DPP7: variants seen among roughly 807,000 people sequenced by gnomAD.
The protein encoded by DPP7 is dipeptidyl peptidase 2.
In DPP7, 74 loss-of-function variants were observed where a neutral mutation model predicts 58.8. The observed-to-expected ratio is 1.26, with a 90% confidence interval of 1.04 to 1.53. The LOEUF (loss-of-function observed/expected upper bound fraction) is 1.53, where lower values mean the gene tolerates loss of function less well. DPP7 is among the 40% of genes most tolerant of loss of function. The pLI is 0.00. For synonymous variants in DPP7, 350 were observed against 303.6 expected, an observed-to-expected ratio of 1.15 and a Z score of -1.59; for missense variants, 807 against 692.3, an observed-to-expected ratio of 1.17 and a Z score of -1.86.
upstream of DPP7, among the ~76,000 whole-genome samples, chr9:137,117,282 A>G (rs1831659103): frequency 6.6e-6 from 1 of 152,226 alleles, no homozygotes; most frequent in Admixed American, 6.5e-5. Flanking sequence ...GGAGGACCCC[A>G]GGTCTGCATC....
chr9:137,116,699 G>GA (rs1831649717), upstream of DPP7, among the ~76,000 whole-genome samples: 1 of 152,230 alleles, frequency 6.6e-6, no homozygotes, highest in South Asian at 2.1e-4. Context: ...GAGGATTAGT[G>GA]AAAGAGGGAG....
At chr9:137,111,615 G>A in intron 11 of DPP7, 75 bp downstream of exon 11, 1 of 1,529,722 alleles carries the variant, frequency 6.5e-7, no homozygotes, top group Non-Finnish European at 9.0e-7. Context: ...TCCAGCCTGG[G>A]CGCCAGAGAA....
chr9:137,114,232 CCGGCA>C lies in DPP7; in HGVS notation c.321+6_321+10del. ...CCCGCGACCCCGCCCGCGACCCCGC[CCGGCA>C]CCCACGTGCTCCGCGAAGACCAGTA... On this transcript the variant is annotated splice_donor_region_variant and intron_variant, in intron 3 of 12. Coordinates refer to ENST00000371579, the MANE Select transcript of DPP7 (RefSeq NM_013379.3). The C allele has an allele frequency of 6.6e-7, 1 of 1,512,148 alleles. No homozygotes were observed. Among genetic ancestry groups the C allele is most frequent in the Non-Finnish European group, 8.8e-7 (1 of 1,134,038 alleles). The allele number at this position is 1,512,148 out of a possible 1,614,324, so 93.7% of individuals were successfully genotyped here. A position where few individuals can be genotyped will look rare whatever the true frequency, so the allele number is the denominator to read the frequency against.
Position 137,113,295 on chromosome 9 carries a change from A to G in DPP7, c.622-8T>C. 2.5e-6 allele frequency: 4 copies of G among 1,613,600 alleles called. No homozygotes were observed. The highest frequency in any genetic ancestry group is 3.4e-6 in the Non-Finnish European group (4 of 1,179,964). On this transcript the variant is annotated splice_polypyrimidine_tract_variant and splice_region_variant and intron_variant, in intron 5 of 12. Transcript: ENST00000371579. ...ACTCTGGCCCTCAAAGTCCTGGGGGAAAGAGACCGTGCTGACTGCAGCTGC... is the reference window on the plus strand; with the variant it reads ...ACTCTGGCCCTCAAAGTCCTGGGGGGAAGAGACCGTGCTGACTGCAGCTGC...
Position 137,113,093 on chromosome 9 carries a change from C to A in DPP7, c.730G>T (p.Gly244Cys), listed in dbSNP as rs747575043. Residue 244 changes from glycine (G) to cysteine (C), a missense_variant, in exon 7 of 13, where the codon GGC (glycine) becomes TGC (cysteine). Coordinates refer to ENST00000371579, the MANE Select transcript of DPP7 (RefSeq NM_013379.3). ...GAYDTVRWEF[G>C]TCQPLSDEKD... ...TCGTCTGACAGCGGCTGGCAGGTGCCGAACTCCCAGCGGACCGTGTCGTAG... is the reference window on the plus strand; with the variant it reads ...TCGTCTGACAGCGGCTGGCAGGTGCAGAACTCCCAGCGGACCGTGTCGTAG... 6 of 1,613,748 alleles carry A rather than the reference C, an allele frequency of 3.7e-6. No individual in the cohort carries two copies. The highest frequency in any genetic ancestry group is 5.1e-6 in the Non-Finnish European group (6 of 1,180,006).
Position 137,114,192 on chromosome 9 carries a change from CCGG to C in DPP7, c.321+48_321+50del. The C allele has an allele frequency of 4.2e-6, 3 of 708,596 alleles. No homozygotes were observed. In the Admixed American group the frequency reaches 2.7e-4, roughly 65 times the overall value. 43.9% of individuals were successfully genotyped at this position (708,596 alleles called of 1,614,324 possible). A position where few individuals can be genotyped will look rare whatever the true frequency, so the allele number is the denominator to read the frequency against. ...CCGCGACCCCCGCCCGCGACCCCGCCCGGCACCCACGTGCCCCGCGACCCCGCC... is the reference window on the plus strand; with the variant it reads ...CCGCGACCCCCGCCCGCGACCCCGCCCACCCACGTGCCCCGCGACCCCGCC... On this transcript the variant is annotated intron_variant, in intron 3 of 12. Coordinates refer to ENST00000371579, the MANE Select transcript of DPP7 (RefSeq NM_013379.3).
At position 137,112,616 on chromosome 9, in the gene DPP7, C is replaced by T. The variant is rs1190103521; in HGVS notation, c.931+129G>A. On this transcript the variant is annotated intron_variant, in intron 8 of 12. Transcript: ENST00000371579. The stretch of plus-strand genomic sequence containing the variant: ...TTTCTGGGAAGGTCGTGCTGTCCAC[C>T]CCACCACAGCCCTGGGGCAGGAGGC... 5.6e-5 allele frequency: 65 copies of T among 1,156,230 alleles called. 1 individual carries two copies. The highest frequency in any genetic ancestry group is 4.6e-4 in the South Asian group (32 of 69,552). 71.6% of individuals were successfully genotyped at this position (1,156,230 alleles called of 1,614,324 possible). A position where few individuals can be genotyped will look rare whatever the true frequency, so the allele number is the denominator to read the frequency against.
intron 11 of DPP7, among the ~76,000 whole-genome samples, chr9:137,111,156 G>T (rs1319190647): frequency 6.6e-6 from 1 of 152,184 alleles, no homozygotes; most frequent in African/African-American, 2.4e-5. Flanking sequence ...AGGGGCAGGT[G>T]TGAGGCCTGT....
Position 137,110,591 on chromosome 9 carries a change from C to T in DPP7, c.*57G>A. 6.3e-7 allele frequency: 1 copy of T among 1,575,352 alleles called. No individual in the cohort carries two copies. Among genetic ancestry groups the T allele is most frequent in the African/African-American group, 1.4e-5 (1 of 73,766 alleles). ...TTCAGCCCCTTCCCTCTGCCGCCAG[C>T]TGCTTGAGTGAAGCCCCCACTCCAT... is the stretch of plus-strand genomic sequence containing the variant. On this transcript the variant is annotated 3_prime_UTR_variant, in exon 13 of 13. Transcript: ENST00000371579.
chr9:137,111,468 T>C (rs1026387384), intron 11 of DPP7, among the ~76,000 whole-genome samples: 2 of 152,166 alleles, frequency 1.3e-5, no homozygotes, highest in African/African-American at 2.4e-5. Context: ...CTGGGCGATA[T>C]GGTGAGACTG....
Position 137,110,679 on chromosome 9 carries a change from G to A in DPP7, c.1448C>T (p.Ala483Val). The A allele has an allele frequency of 6.2e-7, 1 of 1,609,622 alleles. No homozygotes were observed. Among genetic ancestry groups the A allele is most frequent in the Non-Finnish European group, 8.5e-7 (1 of 1,179,960 alleles). Residue 483 changes from alanine to valine, a missense_variant, in exon 13 of 13, where the codon GCT becomes GTT. Around this residue, in one of 3 missense-constraint regions of DPP7, gnomAD observed 624 missense variants for 531.2 expected, o/e 1.17. Coordinates refer to ENST00000371579, the MANE Select transcript of DPP7 (RefSeq NM_013379.3). ...GCTGAGTCTGGGCCCCCCACGCAGA[G>A]CTGGCTGCTGCTCACGCCTGGCTGC... ...VKAARREQQPALRGGPRLSL is the reference protein window; with the variant it reads ...VKAARREQQPVLRGGPRLSL
chr9:137,112,654 C>A, intron 8 of DPP7, 91 bp downstream of exon 8: 1 of 1,451,366 alleles, frequency 6.9e-7, no homozygotes, highest in Non-Finnish European at 9.3e-7. Context: ...AGCCCCTGGC[C>A]GGGCTGCGGA....
In DPP7 at chr9:137,114,667, A is replaced by C; in HGVS notation, c.47T>G (p.Leu16Arg). 7.3e-7 allele frequency: 1 copy of C among 1,361,868 alleles called. No homozygotes were observed. Among genetic ancestry groups the C allele is most frequent in the Non-Finnish European group, 9.4e-7 (1 of 1,058,736 alleles). The allele number at this position is 1,361,868 out of a possible 1,614,324, so 84.4% of individuals were successfully genotyped here. A position where few individuals can be genotyped will look rare whatever the true frequency, so the allele number is the denominator to read the frequency against. ...WAPVLLLALGLRGLQAGARRA... is the reference protein window; with the variant it reads ...WAPVLLLALGRRGLQAGARRA... ...CTCACCCCCCGCCTGGAGGCCGCGCAGCCCGAGCGCCAGCAGCAGGACCGG... is the reference window on the plus strand; with the variant it reads ...CTCACCCCCCGCCTGGAGGCCGCGCCGCCCGAGCGCCAGCAGCAGGACCGG... Residue 16 changes from leucine (L) to arginine (R), a missense_variant, in exon 1 of 13, where the codon CTG becomes CGG. Coordinates refer to ENST00000371579, the MANE Select transcript of DPP7 (RefSeq NM_013379.3).
chr9:137,113,771 G>A (rs902191170), intron 4 of DPP7, 94 bp downstream of exon 4: 1 of 1,402,724 alleles, frequency 7.1e-7, no homozygotes, highest in East Asian at 2.6e-5. Context: ...CGAAAAGGCA[G>A]CGGTGGGAGT....
At chr9:137,113,146 G>C (rs117984865) in intron 6 of DPP7, 27 bp from the exon 7 acceptor site, 2 of 1,613,816 alleles carry the variant, frequency 1.2e-6, no homozygotes, top group East Asian at 2.2e-5. Context: ...GAGACTTGAA[G>C]TTTGGGCATA....
In DPP7 at chr9:137,112,021, G is replaced by A. The variant is rs200073342; in HGVS notation, c.1059C>T (p.Thr353=). Residue 353 remains threonine (T), a synonymous_variant, in exon 10 of 13, where the codon ACC becomes ACT. Coordinates refer to ENST00000371579, the MANE Select transcript of DPP7 (RefSeq NM_013379.3). ...TGCTGGCGAAGGTCAGGTTGATCTCGGTGCAGGCCTGCAGGTGCCCCAGCC... is the reference window on the plus strand; with the variant it reads ...TGCTGGCGAAGGTCAGGTTGATCTCAGTGCAGGCCTGCAGGTGCCCCAGCC... ...DARAWDYQAC[T]EINLTFASNN... is the part of the protein sequence containing the mutation. 82 of 1,613,532 alleles carry A rather than the reference G, an allele frequency of 5.1e-5. No individual in the cohort carries two copies. Among genetic ancestry groups the A allele is most frequent in the Non-Finnish European group, 6.0e-5 (71 of 1,179,806 alleles).
chr9:137,110,590 G>A lies in DPP7; in HGVS notation c.*58C>T, dbSNP rs1469750043. The stretch of plus-strand genomic sequence containing the variant: ...ATTCAGCCCCTTCCCTCTGCCGCCA[G>A]CTGCTTGAGTGAAGCCCCCACTCCA... On this transcript the variant is annotated 3_prime_UTR_variant, in exon 13 of 13. Coordinates refer to ENST00000371579, the MANE Select transcript of DPP7 (RefSeq NM_013379.3). 4 of 1,573,662 alleles carry A rather than the reference G, an allele frequency of 2.5e-6. No individual in the cohort carries two copies. The Admixed American group carries it at 5.5e-5, about 21-fold the overall frequency.
intron 8 of DPP7, 99 bp downstream of exon 8, chr9:137,112,646 C>T: frequency 7.1e-7 from 1 of 1,415,644 alleles, no homozygotes; most frequent in Non-Finnish European, 9.6e-7. Flanking sequence ...GGAGGCAAAG[C>T]CCCTGGCCGG....
In DPP7 at chr9:137,110,561, G is replaced by T; in HGVS notation, c.*87C>A. 2 of 1,513,454 alleles carry T rather than the reference G, an allele frequency of 1.3e-6. No individual in the cohort carries two copies. The highest frequency in any genetic ancestry group is 2.3e-5 in the East Asian group (1 of 43,630). 93.8% of individuals were successfully genotyped at this position (1,513,454 alleles called of 1,614,324 possible). On this transcript the variant is annotated 3_prime_UTR_variant, in exon 13 of 13. Coordinates refer to ENST00000371579, the MANE Select transcript of DPP7 (RefSeq NM_013379.3). The stretch of plus-strand genomic sequence containing the variant: ...GACATACATGGCCAGGCCTCCAGGC[G>T]TTTATTCAGCCCCTTCCCTCTGCCG...
Sources: allele counts gnomAD v4.1 joint callset (sites outside exome capture counted in the v4.1 genomes callset), GRCh38; gene constraint gnomAD v4.1.1; regional missense constraint gnomAD v4.1.1; transcripts MANE v1.5; gene names NCBI Gene and HGNC (gene_info 2026-07-23, HGNC 2026-07-21).